Variants in OR5D3 observed in about 807,000 individuals in gnomAD.
The protein encoded by OR5D3 is olfactory receptor 5D3.
the OR5D3 span, chr11:55,726,970 G>A: frequency 6.5e-5 from 26 of 400,224 alleles, no homozygotes; most frequent in Non-Finnish European, 9.3e-5. Context: ...CATTTTCCAT[G>A]GGACTATCCT....
At chr11:55,725,582 A>G in the OR5D3 span, among the ~76,000 whole-genome samples, 1 of 152,086 alleles carries the variant, frequency 6.6e-6, no homozygotes, top group Non-Finnish European at 1.5e-5. Flanking sequence ...TAATCTTCTC[A>G]TAAGTGATAT....
chr11:55,724,999 A>T, the OR5D3 span, among the ~76,000 whole-genome samples: 1 of 152,162 alleles, frequency 6.6e-6, no homozygotes, highest in African/African-American at 2.4e-5. Context: ...ATAAAATTCT[A>T]CAGTACTTCC....
chr11:55,723,784 A>T, the OR5D3 span: 1 of 330,280 alleles, frequency 3.0e-6, no homozygotes, highest in African/African-American at 2.1e-5. Context: ...CGAGGTCCCC[A>T]AGGCCTTGGG....
At chr11:55,729,179 TC>T in the OR5D3 span, 110 of 151,910 alleles carry the variant, frequency 7.2e-4, 1 homozygote, top group African/African-American at 2.6e-3. Context: ...TAATGCAATT[TC>T]CCCCCCAAAT....
At chr11:55,727,095 C>A in the OR5D3 span, 1 of 402,616 alleles carries the variant, frequency 2.5e-6, no homozygotes, top group Non-Finnish European at 4.4e-6. Flanking sequence ...GCCTCAGGAA[C>A]AAAGATGTAA....
chr11:55,727,239 C>T, the OR5D3 span: 2 of 396,970 alleles, frequency 5.0e-6, no homozygotes, highest in South Asian at 1.4e-4. Flanking sequence ...ATTATGATAA[C>T]CCTCCAACTG....
At chr11:55,725,090 T>C in the OR5D3 span, among the ~76,000 whole-genome samples, 1 of 152,072 alleles carries the variant, frequency 6.6e-6, no homozygotes, top group Admixed American at 6.6e-5. Context: ...CATATAGGCC[T>C]CATTTCAATA....
chr11:55,726,022 A>G, the OR5D3 span, among the ~76,000 whole-genome samples: 382 of 152,164 alleles, frequency 2.5e-3, 1 homozygote, highest in African/African-American at 8.8e-3. Context: ...CATTCACAAA[A>G]TAATCCTATT....
At chr11:55,728,100 C>T in the OR5D3 span, 1 of 152,140 alleles carries the variant, frequency 6.6e-6, no homozygotes, top group East Asian at 1.9e-4. Context: ...ACTAGATCAG[C>T]TACCTTTGGA....
chr11:55,724,038 G>C, the OR5D3 span: 2 of 397,818 alleles, frequency 5.0e-6, no homozygotes, highest in African/African-American at 4.1e-5. Flanking sequence ...GAATCACTCA[G>C]ATGCCTCTGT....
the OR5D3 span, chr11:55,727,470 T>C: frequency 8.3e-5 from 14 of 167,850 alleles, no homozygotes; most frequent in South Asian, 1.4e-3. Context: ...ATCTGAAGAA[T>C]AGTAGTTTAT....
At chr11:55,726,906 T>G in the OR5D3 span, 269 of 399,252 alleles carry the variant, frequency 6.7e-4, 4 homozygotes, top group African/African-American at 5.2e-3. Flanking sequence ...TGCCTTCCAC[T>G]GGGGGGCGCA....
the OR5D3 span, chr11:55,727,346 T>C: frequency 2.7e-6 from 1 of 365,054 alleles, no homozygotes; most frequent in South Asian, 1.5e-4. Flanking sequence ...ACTAAATTTT[T>C]GATCGAGAAT....
At chr11:55,724,716 A>G in the OR5D3 span, among the ~76,000 whole-genome samples, 5 of 152,072 alleles carry the variant, frequency 3.3e-5, no homozygotes, top group African/African-American at 1.2e-4. Context: ...ATTGGCTCTC[A>G]GGTTAAAGTG....
At chr11:55,726,280 C>T in the OR5D3 span, 8 of 412,954 alleles carry the variant, frequency 1.9e-5, no homozygotes, top group Non-Finnish European at 3.4e-5. Flanking sequence ...ATTTCCAGAC[C>T]TTCAGATACC....
At chr11:55,727,736 A>G in the OR5D3 span, 1 of 151,998 alleles carries the variant, frequency 6.6e-6, no homozygotes, top group East Asian at 1.9e-4. Flanking sequence ...ATTTTTGCAA[A>G]TAAATGCCCA....
chr11:55,724,192 A>T, the OR5D3 span: 1 of 385,888 alleles, frequency 2.6e-6, no homozygotes, highest in Non-Finnish European at 4.6e-6. Flanking sequence ...CAGAGGACCT[A>T]TGTTGTTATA....
At chr11:55,727,350 C>T in the OR5D3 span, 1 of 358,732 alleles carries the variant, frequency 2.8e-6, no homozygotes, top group Non-Finnish European at 4.9e-6. Flanking sequence ...AATTTTTGAT[C>T]GAGAATATTG....
the OR5D3 span, chr11:55,727,896 AG>A: frequency 1.3e-5 from 2 of 152,126 alleles, no homozygotes; most frequent in African/African-American, 4.8e-5. Context: ...CCCCTAAGAT[AG>A]TACAATATAA....
Sources: allele counts gnomAD v4.1 joint callset (sites outside exome capture counted in the v4.1 genomes callset), GRCh38; gene constraint gnomAD v4.1.1; transcripts MANE v1.5; gene names NCBI Gene and HGNC (gene_info 2026-07-23, HGNC 2026-07-21).